The following NFIC variants were observed in gnomAD, a reference collection of about 807,000 sequenced individuals.
NFIC encodes nuclear factor 1 C-type.
Under a neutral mutation model 54.4 loss-of-function variants are expected in NFIC, and 12 were observed. That is an observed-to-expected ratio of 0.22 (90% confidence interval 0.14 to 0.36). NFIC has a LOEUF of 0.36. Among genes scored for constraint, NFIC ranks in the 10% least tolerant of loss-of-function variants. The pLI is 1.00. For synonymous variants in NFIC, 322 were observed against 319.2 expected (o/e 1.01, Z -0.09); for missense variants, 575 against 718.2 (o/e 0.80, Z 2.28).
rs768700620 is a variant in NFIC at position 3,449,051 on chromosome 19, G to C, written c.996G>C (p.Lys332Asn). 1 of 1,613,438 alleles carries C rather than the reference G, an allele frequency of 6.2e-7. No homozygotes were observed. Among genetic ancestry groups the C allele is most frequent in the South Asian group, 1.1e-5 (1 of 90,998 alleles). Reference sequence around the variant, plus strand: ...CGGTGAAGAAGACAGAGATGGACAAGTCACCATTCAACAGCCCGTCCCCCC... The same window carrying C: ...CGGTGAAGAAGACAGAGATGGACAACTCACCATTCAACAGCCCGTCCCCCC... Reference protein sequence around the residue: ...SSPVKKTEMDKSPFNSPSPQD... With the variant: ...SSPVKKTEMDNSPFNSPSPQD... Residue 332 changes from lysine to asparagine, a missense_variant, in exon 7 of 11, where the codon AAG becomes AAC. Physicochemically the swap from Lys to Asn is moderately conservative, Grantham distance 94. Transcript: ENST00000443272.
intron 2 of NFIC, among the ~76,000 whole-genome samples, chr19:3,412,255 A>G (rs993773328): frequency 6.6e-6 from 1 of 150,516 alleles, no homozygotes; most frequent in Non-Finnish European, 1.5e-5. Context: ...GCTAATTTTT[A>G]GATTTTTGTA....
intron 4 of NFIC, 129 bp from the exon 5 acceptor site, chr19:3,434,148 A>G: frequency 1.4e-6 from 2 of 1,397,892 alleles, no homozygotes; most frequent in Middle Eastern, 2.7e-4. Context: ...CAGCCACCCT[A>G]GGAACCGGGC....
chr19:3,428,227 C>T (rs2082059147), intron 3 of NFIC, among the ~76,000 whole-genome samples: 1 of 150,430 alleles, frequency 6.6e-6, no homozygotes, highest in African/African-American at 2.4e-5. Flanking sequence ...GGCGCAGTGG[C>T]TTACACCTGT....
chr19:3,400,857 T>A (rs1451794143), intron 2 of NFIC, among the ~76,000 whole-genome samples: 2 of 151,806 alleles, frequency 1.3e-5, no homozygotes, highest in South Asian at 2.1e-4. Flanking sequence ...ATAATAATAA[T>A]AAAAATAAAA....
At chr19:3,413,671 G>A (rs891994922) in intron 2 of NFIC, among the ~76,000 whole-genome samples, 1 of 152,022 alleles carries the variant, frequency 6.6e-6, no homozygotes, top group Non-Finnish European at 1.5e-5. Flanking sequence ...ATGGAGTCTC[G>A]CTCTGTCTCC....
chr19:3,388,057 C>A (rs529119816), intron 2 of NFIC, among the ~76,000 whole-genome samples: 6 of 152,312 alleles, frequency 3.9e-5, no homozygotes, highest in Admixed American at 2.6e-4. Flanking sequence ...GCCGCCAGCC[C>A]AGATGGTGCC....
At position 3,463,397 on chromosome 19, in the gene NFIC, G is replaced by A. The variant is rs950867317; in HGVS notation, c.*628G>A. 1 of 985,684 alleles carries A rather than the reference G, an allele frequency of 1.0e-6. No homozygotes were observed. Among genetic ancestry groups the A allele is most frequent in the South Asian group, 4.7e-5 (1 of 21,314 alleles). 61.1% of individuals were successfully genotyped at this position (985,684 alleles called of 1,614,324 possible). A position where few individuals can be genotyped will look rare whatever the true frequency, so the allele number is the denominator to read the frequency against. The stretch of plus-strand genomic sequence containing the variant: ...GGAGACCGCAGAGGCGGGCAGGGTG[G>A]GGCAGGCGAGTGGTGTCGCGGGGGT... On this transcript the variant is annotated 3_prime_UTR_variant, in exon 11 of 11. Coordinates refer to ENST00000443272, the MANE Select transcript of NFIC (RefSeq NM_001245002.2).
rs139556190 is a variant in NFIC at position 3,453,537 on chromosome 19, C to A, written c.1270-226C>A. Among the ~76,000 whole-genome samples the A allele has an allele frequency of 2.8e-3, 420 of 152,232 alleles. 12 individuals carry two copies. The East Asian group carries it at 0.06, about 22-fold the overall frequency. ...ACAGAGGAGATGCAGTGAGCGTGGC[C>A]CCAGTAGTGCCGGGCTTTGAGTGAC... On this transcript the variant is annotated intron_variant, in intron 8 of 10. Coordinates refer to ENST00000443272, the MANE Select transcript of NFIC (RefSeq NM_001245002.2). This position sits in a 1 kb window ranked among gnomAD's most constrained non-coding sequence, Gnocchi z 6.7.
chr19:3,361,878 G>A (rs117523564), upstream of NFIC, among the ~76,000 whole-genome samples: 3,945 of 152,158 alleles, frequency 0.026, 85 homozygotes, highest in Middle Eastern at 0.078. Flanking sequence ...CTCCCTCACG[G>A]TGCCTGTGTC....
At chr19:3,409,934 G>C (rs1290982280) in intron 2 of NFIC, among the ~76,000 whole-genome samples, 3 of 152,222 alleles carry the variant, frequency 2.0e-5, no homozygotes, top group African/African-American at 7.2e-5. Context: ...CTGGCCGGCT[G>C]CGGTGGCTCG....
At position 3,444,817 on chromosome 19, in the gene NFIC, G is replaced by A. The variant is rs571630591; in HGVS notation, c.959-4197G>A. The stretch of plus-strand genomic sequence containing the variant: ...CCAGCCCCTGCACACACACACACAC[G>A]CTTGCACACACGCATGCATGCTCAT... On this transcript the variant is annotated intron_variant, in intron 6 of 10. Coordinates refer to ENST00000443272, the MANE Select transcript of NFIC (RefSeq NM_001245002.2). 9.9e-5 allele frequency among the ~76,000 whole-genome samples: 15 copies of A among 152,006 alleles called. No individual in the cohort carries two copies. In the East Asian group the frequency reaches 1.2e-3, roughly 12 times the overall value.
chr19:3,425,918 C>CTTTT (rs869165549), intron 3 of NFIC, among the ~76,000 whole-genome samples: 1 of 54,532 alleles, frequency 1.8e-5, no homozygotes, highest in Non-Finnish European at 3.1e-5. Context: ...CCATGCCTGG[C>CTTTT]TTTTTTTTTT....
chr19:3,380,409 T>C (rs2081186987), intron 1 of NFIC, among the ~76,000 whole-genome samples: 1 of 135,322 alleles, frequency 7.4e-6, no homozygotes, highest in Admixed American at 8.2e-5. Context: ...CACTGCAACC[T>C]CTGCCTCCCA....
chr19:3,453,618 A>T lies in NFIC; in HGVS notation c.1270-145A>T. ...ACCTCCGGCCGTCCTCAGACCCACC[A>T]AACCCGCCATGGTCACACCCGCGCC... On this transcript the variant is annotated intron_variant, in intron 8 of 10. Transcript: ENST00000443272. This position sits in a 1 kb window ranked among gnomAD's most constrained non-coding sequence, Gnocchi z 6.7. 8.5e-7 allele frequency: 1 copy of T among 1,178,374 alleles called. No individual in the cohort carries two copies. The allele number at this position is 1,178,374 out of a possible 1,614,324, so 73.0% of individuals were successfully genotyped here.
upstream of NFIC, among the ~76,000 whole-genome samples, chr19:3,363,217 A>C (rs1259585026): frequency 1.5e-5 from 1 of 64,708 alleles, no homozygotes; most frequent in African/African-American, 6.2e-5. Flanking sequence ...AAGGAGACAT[A>C]TGTATATGTA....
intron 1 of NFIC, among the ~76,000 whole-genome samples, chr19:3,374,953 G>A (rs531289299): frequency 3.3e-5 from 5 of 152,142 alleles, no homozygotes; most frequent in African/African-American, 1.2e-4. Flanking sequence ...CACCACTGAC[G>A]TGGGCCCCCA....
chr19:3,373,618 C>G, intron 1 of NFIC, among the ~76,000 whole-genome samples: 1 of 70,958 alleles, frequency 1.4e-5, no homozygotes, highest in Admixed American at 1.5e-4. Context: ...CCTTCCTGGA[C>G]CCCCCCCCCA....
intron 2 of NFIC, among the ~76,000 whole-genome samples, chr19:3,409,226 C>T (rs545649498): frequency 2.6e-5 from 4 of 152,302 alleles, no homozygotes; most frequent in African/African-American, 7.2e-5. Context: ...ACACATCCAA[C>T]TTCATTCCTG....
At chr19:3,405,101 T>G (rs2081625764) in intron 2 of NFIC, among the ~76,000 whole-genome samples, 1 of 152,224 alleles carries the variant, frequency 6.6e-6, no homozygotes, top group Non-Finnish European at 1.5e-5. Flanking sequence ...AAGAAACTTT[T>G]CTTTGAAAGT....
Sources: allele counts gnomAD v4.1 joint callset (sites outside exome capture counted in the v4.1 genomes callset), GRCh38; gene constraint gnomAD v4.1.1; non-coding constraint Gnocchi (gnomAD v3.1); transcripts MANE v1.5; gene names NCBI Gene and HGNC (gene_info 2026-07-23, HGNC 2026-07-21).